Variants in SCHIP1 observed in about 807,000 individuals in gnomAD.
SCHIP1 encodes the protein schwannomin interacting protein 1.
Under a neutral mutation model 29.7 loss-of-function variants are expected in SCHIP1, and 8 were observed. The ratio of observed to expected loss-of-function variants is 0.27; its 90% CI spans 0.16 to 0.49. SCHIP1 has a LOEUF of 0.49. Among genes scored for constraint, SCHIP1 ranks in the 20% least tolerant of loss-of-function variants. The pLI, the probability that SCHIP1 is intolerant of heterozygous loss-of-function variation, is 0.99. For missense variants in SCHIP1, 193 were observed against 294.6 expected (o/e 0.66, Z 2.52); for synonymous variants, 76 against 94.9 (o/e 0.80, Z 1.16).
At chr3:159,524,761 G>A in the SCHIP1 span, among the ~76,000 whole-genome samples, 1 of 152,204 alleles carries the variant, frequency 6.6e-6, no homozygotes, top group Admixed American at 6.5e-5. Context: ...GATGTGAGCA[G>A]TGAAGAGACG....
chr3:159,587,713 T>A, the SCHIP1 span, among the ~76,000 whole-genome samples: 1 of 152,078 alleles, frequency 6.6e-6, no homozygotes, highest in Non-Finnish European at 1.5e-5. Context: ...AGTGAGAACA[T>A]GTGGTGTTTG....
exon 1 of SCHIP1, chr3:159,839,914 C>G (rs760698484): frequency 5.4e-5 from 76 of 1,398,568 alleles, no homozygotes; most frequent in Non-Finnish European, 6.9e-5. Flanking sequence ...TGAGCGCCCC[C>G]TCCCCCAGCC....
At chr3:159,718,878 A>G in the SCHIP1 span, among the ~76,000 whole-genome samples, 1 of 152,192 alleles carries the variant, frequency 6.6e-6, no homozygotes, top group Non-Finnish European at 1.5e-5. Flanking sequence ...ATTGGAAAAA[A>G]CTACTTTAAA....
the SCHIP1 span, among the ~76,000 whole-genome samples, chr3:159,384,299 T>C: frequency 1.3e-5 from 2 of 151,880 alleles, no homozygotes; most frequent in South Asian, 2.1e-4. Context: ...ACCTAACTTA[T>C]TGAGAGTTTT....
chr3:159,576,018 C>T, the SCHIP1 span, among the ~76,000 whole-genome samples: 1 of 152,004 alleles, frequency 6.6e-6, no homozygotes, highest in East Asian at 1.9e-4. Flanking sequence ...AAAGAATAGC[C>T]TTTGGAAGTT....
chr3:159,756,933 T>A, the SCHIP1 span, among the ~76,000 whole-genome samples: 1 of 152,220 alleles, frequency 6.6e-6, no homozygotes. Flanking sequence ...ACCACTTCAG[T>A]CAGCCTGACT....
chr3:159,540,169 T>G, the SCHIP1 span, among the ~76,000 whole-genome samples: 1 of 152,070 alleles, frequency 6.6e-6, no homozygotes, highest in Non-Finnish European at 1.5e-5. Flanking sequence ...TTATATCATA[T>G]CCTTCATCAA....
the SCHIP1 span, among the ~76,000 whole-genome samples, chr3:159,531,605 A>G: frequency 1.3e-5 from 2 of 152,212 alleles, no homozygotes; most frequent in African/African-American, 2.4e-5. Flanking sequence ...AAATTAATCT[A>G]TCAATTAATC....
the SCHIP1 span, among the ~76,000 whole-genome samples, chr3:159,442,328 T>C: frequency 6.6e-6 from 1 of 151,998 alleles, no homozygotes; most frequent in Non-Finnish European, 1.5e-5. Context: ...AAGAGGAATA[T>C]CAGGAATGGT....
chr3:159,589,608 T>C, the SCHIP1 span, among the ~76,000 whole-genome samples: 1 of 152,188 alleles, frequency 6.6e-6, no homozygotes, highest in African/African-American at 2.4e-5. Flanking sequence ...TAATTTTAAA[T>C]AGATGTCTAT....
the SCHIP1 span, chr3:159,722,071 C>A: frequency 2.7e-6 from 1 of 365,690 alleles, no homozygotes; most frequent in Non-Finnish European, 5.3e-6. Context: ...TTGGTTTCTG[C>A]AGAAAACAAT....
the SCHIP1 span, among the ~76,000 whole-genome samples, chr3:159,558,265 A>G: frequency 6.6e-6 from 1 of 152,236 alleles, no homozygotes; most frequent in African/African-American, 2.4e-5. Flanking sequence ...ACTTTGGCCT[A>G]AAGAAGATGT....
the SCHIP1 span, among the ~76,000 whole-genome samples, chr3:159,362,020 TA>T: frequency 6.6e-6 from 1 of 152,312 alleles, no homozygotes; most frequent in African/African-American, 2.4e-5. Context: ...GACTTCTTGG[TA>T]TATAGTTGGT....
chr3:159,602,346 C>T, the SCHIP1 span, among the ~76,000 whole-genome samples: 4 of 152,106 alleles, frequency 2.6e-5, no homozygotes, highest in Non-Finnish European at 4.4e-5. Context: ...TTTCTGGAGA[C>T]AGCAGGTGCC....
chr3:159,303,391 T>C, the SCHIP1 span, among the ~76,000 whole-genome samples: 15 of 151,102 alleles, frequency 9.9e-5, no homozygotes, highest in African/African-American at 3.2e-4. Context: ...AGGGAAAAGG[T>C]TGGAGCCCTT....
the SCHIP1 span, among the ~76,000 whole-genome samples, chr3:159,668,637 T>C: frequency 1.3e-5 from 2 of 152,124 alleles, no homozygotes; most frequent in African/African-American, 4.8e-5. Context: ...TGGGCCTCTC[T>C]GAAGATATTC....
the SCHIP1 span, among the ~76,000 whole-genome samples, chr3:159,579,181 A>C: frequency 6.6e-6 from 1 of 152,230 alleles, no homozygotes; most frequent in African/African-American, 2.4e-5. Context: ...CAATTTCTGA[A>C]TAGATTCAAT....
chr3:159,711,404 TA>T, the SCHIP1 span, among the ~76,000 whole-genome samples: 5 of 114,982 alleles, frequency 4.3e-5, no homozygotes, highest in East Asian at 7.6e-4. Flanking sequence ...AAAAGAAATT[TA>T]AAAAAAAAAT....
the SCHIP1 span, among the ~76,000 whole-genome samples, chr3:159,732,407 C>T: frequency 6.6e-6 from 1 of 152,190 alleles, no homozygotes; most frequent in East Asian, 1.9e-4. Flanking sequence ...ATCCTTGCTG[C>T]TGTGCAGGTG....
Sources: gnomAD v4.1 joint callset for allele counts (sites outside exome capture counted in the v4.1 genomes callset) on GRCh38, gnomAD v4.1.1 for gene constraint, MANE v1.5 for transcripts, NCBI Gene and HGNC (gene_info 2026-07-23, HGNC 2026-07-21) for gene names.